The following BMP2K variants were observed in gnomAD, a reference collection of about 807,000 sequenced individuals.
The protein encoded by BMP2K is BMP-2-inducible protein kinase.
Under a neutral mutation model 116.0 loss-of-function variants are expected in BMP2K, and 74 were observed. The observed-to-expected ratio is 0.64, with a 90% CI of 0.53 to 0.77. The LOEUF (loss-of-function observed/expected upper bound fraction) is 0.77, where lower values mean the gene tolerates loss of function less well. BMP2K is among the 30% of genes least tolerant of loss of function. The pLI, the probability that BMP2K is intolerant of heterozygous loss-of-function variation, is 0.00. For missense variants in BMP2K, 1,365 were observed against 1,403.6 expected (o/e 0.97, Z 0.44); for synonymous variants, 486 against 502.5 (o/e 0.97, Z 0.44).
chr4:78,776,764 G>A, intron 1 of BMP2K, 43 bp downstream of exon 1: 1 of 1,240,452 alleles, frequency 8.1e-7, no homozygotes, highest in Non-Finnish European at 1.0e-6. Context: ...GTGAGGGAGG[G>A]TTGGGGTGTG....
rs1214212784 is a variant in BMP2K, at chr4:78,915,006, A to G, written c.*2973A>G. On this transcript the variant is annotated 3_prime_UTR_variant, in exon 16 of 16. Coordinates refer to ENST00000502613, the MANE Select transcript of BMP2K (RefSeq NM_198892.2). ...AAAAGATCAGCTTTTTATGGCATTG[A>G]AGAATGTATCTGCTAAGACACAAAA... 1 of 152,068 alleles carries G rather than the reference A, an allele frequency of 6.6e-6. No homozygotes were observed. Among genetic ancestry groups the G allele is most frequent in the Non-Finnish European group, 1.5e-5 (1 of 67,962 alleles). 9.4% of individuals were successfully genotyped at this position (152,068 alleles called of 1,614,324 possible).
At chr4:78,853,282 T>A (rs1035605798) in intron 7 of BMP2K, among the ~76,000 whole-genome samples, 2 of 152,190 alleles carry the variant, frequency 1.3e-5, no homozygotes, top group African/African-American at 4.8e-5. Flanking sequence ...TATACTTTTC[T>A]TATTACTAAT....
At chr4:78,908,430 T>A (rs577763380) in intron 15 of BMP2K, among the ~76,000 whole-genome samples, 2 of 152,328 alleles carry the variant, frequency 1.3e-5, no homozygotes, top group East Asian at 3.9e-4. Flanking sequence ...TGGCTGTTAC[T>A]TTGTAGTTTG....
chr4:78,863,861 T>C (rs1731915959), intron 9 of BMP2K, among the ~76,000 whole-genome samples: 1 of 152,182 alleles, frequency 6.6e-6, no homozygotes, highest in Admixed American at 6.6e-5. Flanking sequence ...AGTTTCTACC[T>C]GAAGCCTTCT....
chr4:78,858,990 A>C (rs972821408), intron 7 of BMP2K, among the ~76,000 whole-genome samples: 1 of 151,874 alleles, frequency 6.6e-6, no homozygotes, highest in Non-Finnish European at 1.5e-5. Flanking sequence ...GTTCATAAAA[A>C]CCAGAAAACT....
At position 78,811,772 on chromosome 4, in the gene BMP2K, G is replaced by A. The variant is rs146085363; in HGVS notation, c.179-14265G>A. 7.6e-3 allele frequency among the ~76,000 whole-genome samples: 1,147 copies of A among 151,910 alleles called. 19 individuals carry two copies. Among genetic ancestry groups the A allele is most frequent in the African/African-American group, 0.026 (1,076 of 41,416 alleles). On this transcript the variant is annotated intron_variant, in intron 1 of 15. Transcript: ENST00000502613. The stretch of plus-strand genomic sequence containing the variant: ...GGAAGTCATTTAAGACATTTCTCTC[G>A]GCCAATTTATAAAATACACAGCTTA...
intron 12 of BMP2K, 129 bp downstream of exon 12, chr4:78,872,077 A>C: frequency 1.4e-6 from 1 of 692,734 alleles, no homozygotes. Context: ...ATTTTATCAA[A>C]GCCAGTCATA....
Position 78,871,919 on chromosome 4 carries a change from C to T in BMP2K, c.1579C>T (p.Gln527Ter). 1.2e-6 allele frequency: 2 copies of T among 1,611,254 alleles called. No individual in the cohort carries two copies. The highest frequency in any genetic ancestry group is 2.2e-5 in the East Asian group (1 of 44,648). The change falls in exon 12 of 16, where the codon CAA becomes TAA. Residue 527 changes from glutamine to a stop codon, truncating the protein, a stop_gained. Transcript: ENST00000502613. LOFTEE classifies it high-confidence loss of function. ...TTTAATGCATTCGGTATATCAACCA[C>T]AACCTTCTGCATCACAGTATCCTAC... is the stretch of plus-strand genomic sequence containing the variant. ...QFLMHSVYQP[Q>*]PSASQYPTMM...
At chr4:78,827,628 A>C (rs1729938973) in intron 2 of BMP2K, among the ~76,000 whole-genome samples, 1 of 151,962 alleles carries the variant, frequency 6.6e-6, no homozygotes, top group Non-Finnish European at 1.5e-5. Context: ...ATGGGCACTG[A>C]CTTGTTCTAC....
intron 9 of BMP2K, among the ~76,000 whole-genome samples, chr4:78,863,306 G>A (rs1399102699): frequency 6.6e-6 from 1 of 151,994 alleles, no homozygotes; most frequent in Non-Finnish European, 1.5e-5. Flanking sequence ...TTTTTTCCAT[G>A]TAAAGAGCAC....
chr4:78,894,578 G>A (rs1463893123), intron 15 of BMP2K, among the ~76,000 whole-genome samples: 1 of 152,170 alleles, frequency 6.6e-6, no homozygotes, highest in Non-Finnish European at 1.5e-5. Flanking sequence ...TTTGGCTTAC[G>A]GGAACGCAGT....
intron 1 of BMP2K, among the ~76,000 whole-genome samples, chr4:78,786,901 C>T (rs1423634358): frequency 3.3e-5 from 5 of 152,022 alleles, no homozygotes; most frequent in Non-Finnish European, 5.9e-5. Flanking sequence ...TGTATTCATT[C>T]TTTTTTTCCC....
chr4:78,879,688 G>A (rs1732807186), intron 14 of BMP2K: 1 of 152,284 alleles, frequency 6.6e-6, no homozygotes, highest in Non-Finnish European at 1.5e-5. Flanking sequence ...AAACAAGTGT[G>A]TTTTCCCCTT....
chr4:78,829,753 ATCTT>A (rs1318227515), intron 2 of BMP2K, among the ~76,000 whole-genome samples: 17 of 122,088 alleles, frequency 1.4e-4, no homozygotes, highest in Non-Finnish European at 2.7e-4. Context: ...CATGGAAACA[ATCTT>A]TTCTTTTCTT....
intron 1 of BMP2K, among the ~76,000 whole-genome samples, chr4:78,778,602 T>G (rs1431123783): frequency 6.6e-6 from 1 of 152,202 alleles, no homozygotes; most frequent in Non-Finnish European, 1.5e-5. Context: ...CCTTGTGTAT[T>G]TTTTCTGTCT....
intron 1 of BMP2K, among the ~76,000 whole-genome samples, chr4:78,813,429 C>T (rs916600133): frequency 6.6e-6 from 1 of 152,176 alleles, no homozygotes; most frequent in African/African-American, 2.4e-5. Context: ...AGTAGCTTTC[C>T]ATTTCTCTTG....
chr4:78,792,925 C>G (rs991259838), intron 1 of BMP2K, among the ~76,000 whole-genome samples: 1 of 152,156 alleles, frequency 6.6e-6, no homozygotes, highest in African/African-American at 2.4e-5. Flanking sequence ...CCTCTACTTA[C>G]CTGTGTGAGG....
intron 7 of BMP2K, among the ~76,000 whole-genome samples, chr4:78,854,935 A>G (rs879509990): frequency 6.6e-6 from 1 of 152,110 alleles, no homozygotes; most frequent in Non-Finnish European, 1.5e-5. Flanking sequence ...TGAAAAAAAA[A>G]ATAGCTACTT....
At chr4:78,816,167 G>T (rs1370755548) in intron 1 of BMP2K, among the ~76,000 whole-genome samples, 1 of 152,002 alleles carries the variant, frequency 6.6e-6, no homozygotes, top group Admixed American at 6.6e-5. Flanking sequence ...TTTTGGTAAC[G>T]TGAAGTTAAA....
Sources: gnomAD v4.1 joint callset for allele counts (sites outside exome capture counted in the v4.1 genomes callset) on GRCh38, gnomAD v4.1.1 for gene constraint, MANE v1.5 for transcripts, NCBI Gene and HGNC (gene_info 2026-07-23, HGNC 2026-07-21) for gene names.